KCNQ1OT1: variants seen among roughly 807,000 people sequenced by gnomAD.
KCNQ1OT1 encodes KCNQ1 opposite strand/antisense transcript 1, also known as KCNQ1 antisense RNA 2 (non-protein coding).
chr11:2,614,977 C>T, exon 1 of KCNQ1OT1: 1 of 398,396 alleles, frequency 2.5e-6, no homozygotes, highest in Non-Finnish European at 4.4e-6. Context: ...CTGTAGATCA[C>T]TGGGTAATAT....
rs1489364083 is a variant in KCNQ1OT1, at chr11:2,624,515, T to C, written n.75480A>G. On this transcript the variant is annotated non_coding_transcript_exon_variant, in exon 1 of 1. Coordinates refer to ENST00000597346, the Ensembl canonical transcript of KCNQ1OT1. This position sits in a 1 kb window ranked among gnomAD's most constrained non-coding sequence, Gnocchi z 4.9. ...CAAACTAAAGATCATCTAGATTTCTTCCTATGTTATCTTCTGGGATTTCTA... is the reference window on the plus strand; with the variant it reads ...CAAACTAAAGATCATCTAGATTTCTCCCTATGTTATCTTCTGGGATTTCTA... 2.5e-6 allele frequency: 1 copy of C among 398,382 alleles called. No individual in the cohort carries two copies. Among genetic ancestry groups the C allele is most frequent in the Non-Finnish European group, 4.4e-6 (1 of 226,024 alleles). 24.7% of individuals were successfully genotyped at this position (398,382 alleles called of 1,614,324 possible). A position where few individuals can be genotyped will look rare whatever the true frequency, so the allele number is the denominator to read the frequency against.
exon 1 of KCNQ1OT1, chr11:2,692,214 T>A (rs2133893413): frequency 2.5e-6 from 1 of 398,862 alleles, no homozygotes; most frequent in African/African-American, 2.1e-5. Context: ...ATACACCCGC[T>A]TCCTCACCAC....
At chr11:2,616,317 CTT>C (rs966547039) in exon 1 of KCNQ1OT1, 1 of 396,904 alleles carries the variant, frequency 2.5e-6, no homozygotes, top group Non-Finnish European at 4.4e-6. Context: ...AGGTTTTCAA[CTT>C]TGATCTTTTC....
Position 2,613,999 on chromosome 11 carries a change from A to AT in KCNQ1OT1, n.85995dup. On this transcript the variant is annotated non_coding_transcript_exon_variant, in exon 1 of 1. Coordinates refer to ENST00000597346, the Ensembl canonical transcript of KCNQ1OT1. The surrounding 1 kb of genome is among the most constrained non-coding windows in gnomAD (Gnocchi z 4.8). Reference sequence around the variant, plus strand: ...ACATCCATTCACAGAGATCTTTCTCATTGCATTGCTAAAGTTGCATAGTAT... The same window carrying AT: ...ACATCCATTCACAGAGATCTTTCTCATTTGCATTGCTAAAGTTGCATAGTAT... 2.5e-6 allele frequency: 1 copy of AT among 398,602 alleles called. No homozygotes were observed. The highest frequency in any genetic ancestry group is 4.4e-6 in the Non-Finnish European group (1 of 226,062). The allele number at this position is 398,602 out of a possible 1,614,324, so 24.7% of individuals were successfully genotyped here.
rs1474168421 is a variant in KCNQ1OT1, at chr11:2,671,755, A to G, written n.28240T>C. ...TCAGAGAACAAGGAGCTACATACAC[A>G]TACATGCATGCACATAATCATTCTG... On this transcript the variant is annotated non_coding_transcript_exon_variant, in exon 1 of 1. Transcript: ENST00000597346. This position sits in a 1 kb window ranked among gnomAD's most constrained non-coding sequence, Gnocchi z 4.7. 1 of 398,620 alleles carries G rather than the reference A, an allele frequency of 2.5e-6. No individual in the cohort carries two copies. The highest frequency in any genetic ancestry group is 2.1e-5 in the African/African-American group (1 of 48,638). The allele number at this position is 398,620 out of a possible 1,614,324, so 24.7% of individuals were successfully genotyped here. A position where few individuals can be genotyped will look rare whatever the true frequency, so the allele number is the denominator to read the frequency against.
chr11:2,670,168 A>G lies in KCNQ1OT1; in HGVS notation n.29827T>C. 1 of 398,660 alleles carries G rather than the reference A, an allele frequency of 2.5e-6. No individual in the cohort carries two copies. Among genetic ancestry groups the G allele is most frequent in the East Asian group, 3.6e-5 (1 of 28,084 alleles). The allele number at this position is 398,660 out of a possible 1,614,324, so 24.7% of individuals were successfully genotyped here. A position where few individuals can be genotyped will look rare whatever the true frequency, so the allele number is the denominator to read the frequency against. Reference sequence around the variant, plus strand: ...TTATCACTGTCGGGCCCATCTGCCAAGGCAAGCACCCACATTAAAGCAGAG... The same window carrying G: ...TTATCACTGTCGGGCCCATCTGCCAGGGCAAGCACCCACATTAAAGCAGAG... On this transcript the variant is annotated non_coding_transcript_exon_variant, in exon 1 of 1. Transcript: ENST00000597346. This position sits in a 1 kb window ranked among gnomAD's most constrained non-coding sequence, Gnocchi z 4.9.
chr11:2,657,128 T>G lies in KCNQ1OT1; in HGVS notation n.42867A>C. On this transcript the variant is annotated non_coding_transcript_exon_variant, in exon 1 of 1. Coordinates refer to ENST00000597346, the Ensembl canonical transcript of KCNQ1OT1. The surrounding 1 kb of genome is among the most constrained non-coding windows in gnomAD (Gnocchi z 4.8). ...CACATTGCCCTAATGACCACTGCCT[T>G]GGAAGAAGTACTGATGTTTGGTACA... 2.5e-6 allele frequency: 1 copy of G among 398,662 alleles called. No individual in the cohort carries two copies. 24.7% of individuals were successfully genotyped at this position (398,662 alleles called of 1,614,324 possible). A position where few individuals can be genotyped will look rare whatever the true frequency, so the allele number is the denominator to read the frequency against.
exon 1 of KCNQ1OT1, chr11:2,636,329 A>G (rs1849464176): frequency 6.6e-6 from 1 of 151,896 alleles, no homozygotes; most frequent in African/African-American, 2.4e-5. Flanking sequence ...GTTTGTCATA[A>G]ATAGCTCTTA....
At position 2,608,638 on chromosome 11, in the gene KCNQ1OT1, A is replaced by G. The variant is rs554441988; in HGVS notation, n.91357T>C. On this transcript the variant is annotated non_coding_transcript_exon_variant, in exon 1 of 1. Coordinates refer to ENST00000597346, the Ensembl canonical transcript of KCNQ1OT1. The surrounding 1 kb of genome is among the most constrained non-coding windows in gnomAD (Gnocchi z 4.6). ...CACAACACCAGCTGTTATTCAAAAA[A>G]TATTTTGTAGAGATAGGGTCTTGCT... 7.5e-6 allele frequency: 3 copies of G among 398,526 alleles called. No homozygotes were observed. The highest frequency in any genetic ancestry group is 1.3e-5 in the Non-Finnish European group (3 of 226,054). 24.7% of individuals were successfully genotyped at this position (398,526 alleles called of 1,614,324 possible).
rs1363272870 is a variant in KCNQ1OT1, at chr11:2,687,537, TG to T, written n.12457del. On this transcript the variant is annotated non_coding_transcript_exon_variant, in exon 1 of 1. Transcript: ENST00000597346. This position sits in a 1 kb window ranked among gnomAD's most constrained non-coding sequence, Gnocchi z 5.0. The stretch of plus-strand genomic sequence containing the variant: ...AGCCTCCTCTGTATGGTCCCTTCCC[TG>T]GTGCACCTACCACAGCCCACTCTGA... 5.0e-6 allele frequency: 2 copies of T among 398,558 alleles called. No homozygotes were observed. Among genetic ancestry groups the T allele is most frequent in the Non-Finnish European group, 8.8e-6 (2 of 226,144 alleles). The allele number at this position is 398,558 out of a possible 1,614,324, so 24.7% of individuals were successfully genotyped here. A position where few individuals can be genotyped will look rare whatever the true frequency, so the allele number is the denominator to read the frequency against.
chr11:2,657,675 T>C lies in KCNQ1OT1; in HGVS notation n.42320A>G, dbSNP rs1849874158. ...GATTTCCCCAGTTTAACTACTAATG[T>C]CCTTTTTCTGTTCCAAGATCCCATC... is the stretch of plus-strand genomic sequence containing the variant. On this transcript the variant is annotated non_coding_transcript_exon_variant, in exon 1 of 1. Transcript: ENST00000597346. The surrounding 1 kb of genome is among the most constrained non-coding windows in gnomAD (Gnocchi z 4.8). 1 of 398,522 alleles carries C rather than the reference T, an allele frequency of 2.5e-6. No homozygotes were observed. Among genetic ancestry groups the C allele is most frequent in the Non-Finnish European group, 4.4e-6 (1 of 226,072 alleles). The allele number at this position is 398,522 out of a possible 1,614,324, so 24.7% of individuals were successfully genotyped here.
chr11:2,673,724 GC>G lies in KCNQ1OT1; in HGVS notation n.26270del, dbSNP rs1230954799. 2 of 398,460 alleles carry G rather than the reference GC, an allele frequency of 5.0e-6. No homozygotes were observed. Among genetic ancestry groups the G allele is most frequent in the Non-Finnish European group, 8.8e-6 (2 of 226,164 alleles). 24.7% of individuals were successfully genotyped at this position (398,460 alleles called of 1,614,324 possible). On this transcript the variant is annotated non_coding_transcript_exon_variant, in exon 1 of 1. Coordinates refer to ENST00000597346, the Ensembl canonical transcript of KCNQ1OT1. This position sits in a 1 kb window ranked among gnomAD's most constrained non-coding sequence, Gnocchi z 4.5. ...GTTGCTGAATCTCAGGGCTTGGAAG[GC>G]CCAGACTGGACAGGGGAAGGGGTAC...
exon 1 of KCNQ1OT1, chr11:2,638,211 T>C (rs1849509643): frequency 6.6e-6 from 1 of 151,910 alleles, no homozygotes; most frequent in Admixed American, 6.6e-5. Context: ...GTGAATTTGA[T>C]CCATTATGAT....
Position 2,646,304 on chromosome 11 carries a change from G to T in KCNQ1OT1, n.53691C>A, listed in dbSNP as rs1849664348. The stretch of plus-strand genomic sequence containing the variant: ...TCTGTATATTGCTATAGGTAAATAT[G>T]ATCATTTTAACATTTTTCTTTCAAT... On this transcript the variant is annotated non_coding_transcript_exon_variant, in exon 1 of 1. Coordinates refer to ENST00000597346, the Ensembl canonical transcript of KCNQ1OT1. 7.6e-6 allele frequency: 3 copies of T among 396,684 alleles called. No homozygotes were observed. In the East Asian group the frequency reaches 1.1e-4, roughly 14 times the overall value. 24.6% of individuals were successfully genotyped at this position (396,684 alleles called of 1,614,324 possible). A position where few individuals can be genotyped will look rare whatever the true frequency, so the allele number is the denominator to read the frequency against.
exon 1 of KCNQ1OT1, chr11:2,629,196 C>A (rs932816159): frequency 5.0e-6 from 2 of 398,000 alleles, no homozygotes; most frequent in African/African-American, 2.1e-5. Flanking sequence ...ATAGCTATTT[C>A]GGCAATATTT....
chr11:2,626,660 C>G lies in KCNQ1OT1; in HGVS notation n.73335G>C. ...CCTCCCACCTCGGCTTCTTGAGTAG[C>G]TGGGAATAGAAGTGTGTACCATTAC... On this transcript the variant is annotated non_coding_transcript_exon_variant, in exon 1 of 1. Coordinates refer to ENST00000597346, the Ensembl canonical transcript of KCNQ1OT1. This position sits in a 1 kb window ranked among gnomAD's most constrained non-coding sequence, Gnocchi z 4.0. The G allele has an allele frequency of 2.5e-6, 1 of 398,570 alleles. No homozygotes were observed. The highest frequency in any genetic ancestry group is 3.6e-5 in the East Asian group (1 of 28,070). 24.7% of individuals were successfully genotyped at this position (398,570 alleles called of 1,614,324 possible).
Position 2,642,711 on chromosome 11 carries a change from GT to G in KCNQ1OT1, n.57283del, listed in dbSNP as rs574501878. On this transcript the variant is annotated non_coding_transcript_exon_variant, in exon 1 of 1. Coordinates refer to ENST00000597346, the Ensembl canonical transcript of KCNQ1OT1. This position sits in a 1 kb window ranked among gnomAD's most constrained non-coding sequence, Gnocchi z 4.3. ...TTTCCTTCTACTAATTTTATGTTTAGTATGGTTTGTTCTTGCTTTTCTGGTT... is the reference window on the plus strand; with the variant it reads ...TTTCCTTCTACTAATTTTATGTTTAGATGGTTTGTTCTTGCTTTTCTGGTT... 3 of 397,502 alleles carry G rather than the reference GT, an allele frequency of 7.5e-6. No homozygotes were observed. Among genetic ancestry groups the G allele is most frequent in the Non-Finnish European group, 1.3e-5 (3 of 225,606 alleles). 24.6% of individuals were successfully genotyped at this position (397,502 alleles called of 1,614,324 possible).
exon 1 of KCNQ1OT1, chr11:2,632,099 C>A: frequency 2.6e-6 from 1 of 388,828 alleles, no homozygotes; most frequent in Non-Finnish European, 4.5e-6. Context: ...AGGAGAATGG[C>A]GTGAACTCGG....
Position 2,663,930 on chromosome 11 carries a change from G to C in KCNQ1OT1, n.36065C>G. On this transcript the variant is annotated non_coding_transcript_exon_variant, in exon 1 of 1. Coordinates refer to ENST00000597346, the Ensembl canonical transcript of KCNQ1OT1. The surrounding 1 kb of genome is among the most constrained non-coding windows in gnomAD (Gnocchi z 5.2). ...CATCTAGGACACTGGGCTGTTTCTT[G>C]TTCCACTCCAGGATGACAGGGCCTG... The C allele has an allele frequency of 2.5e-6, 1 of 398,714 alleles. No homozygotes were observed. Among genetic ancestry groups the C allele is most frequent in the Non-Finnish European group, 4.4e-6 (1 of 226,116 alleles). 24.7% of individuals were successfully genotyped at this position (398,714 alleles called of 1,614,324 possible).
Sources: allele counts gnomAD v4.1 joint callset, GRCh38; gene constraint gnomAD v4.1.1; non-coding constraint Gnocchi (gnomAD v3.1); transcripts MANE v1.5; gene names NCBI Gene and HGNC (gene_info 2026-07-23, HGNC 2026-07-21).